Variants in NCALD observed in about 807,000 individuals in gnomAD.
NCALD encodes neurocalcin delta, also known as neurocalcin-delta.
NCALD carries 10 observed loss-of-function variants against 18.6 expected under a neutral mutation model. That is an observed-to-expected ratio of 0.54 (90% confidence interval 0.33 to 0.91). The LOEUF (loss-of-function observed/expected upper bound fraction) is 0.91, where lower values mean the gene tolerates loss of function less well. Ranked by LOEUF, NCALD falls within the 40% of genes least tolerant of loss-of-function variation. The pLI is 0.03. For synonymous variants in NCALD, 88 were observed against 87.4 expected (o/e 1.01, Z -0.04); for missense variants, 184 against 247.6 (o/e 0.74, Z 1.72).
intron 2 of NCALD, among the ~76,000 whole-genome samples, chr8:101,954,072 C>T (rs1819532414): frequency 1.3e-5 from 2 of 152,156 alleles, no homozygotes; most frequent in Non-Finnish European, 2.9e-5. Context: ...AGCATCCAGC[C>T]GACATGGCAG....
chr8:101,964,422 G>A (rs1416163917), intron 2 of NCALD, among the ~76,000 whole-genome samples: 1 of 152,110 alleles, frequency 6.6e-6, no homozygotes, highest in Non-Finnish European at 1.5e-5. Flanking sequence ...CAAAGGCAAG[G>A]TTCTGATTGG....
intron 1 of NCALD, among the ~76,000 whole-genome samples, chr8:101,786,669 T>C (rs556746023): frequency 6.6e-6 from 1 of 152,268 alleles, no homozygotes; most frequent in East Asian, 1.9e-4. Flanking sequence ...AATCATCTTT[T>C]AAAAAAATTC....
chr8:101,735,452 T>A (rs1817033915), intron 1 of NCALD, among the ~76,000 whole-genome samples: 2 of 152,154 alleles, frequency 1.3e-5, no homozygotes, highest in Admixed American at 1.3e-4. Flanking sequence ...TGTTCCACCA[T>A]CCTCTTCTCT....
chr8:101,873,262 A>G (rs1029470095), intron 4 of NCALD, among the ~76,000 whole-genome samples: 1 of 152,180 alleles, frequency 6.6e-6, no homozygotes, highest in African/African-American at 2.4e-5. Flanking sequence ...GCTCCCTCAG[A>G]TTTTCATTGA....
chr8:101,944,269 C>A (rs767831487), intron 2 of NCALD, among the ~76,000 whole-genome samples: 6 of 152,194 alleles, frequency 3.9e-5, no homozygotes, highest in Non-Finnish European at 7.3e-5. Flanking sequence ...ACAGGTGCCC[C>A]ACCTAAAGGT....
At chr8:102,081,557 A>AC (rs1563600972) in intron 1 of NCALD, among the ~76,000 whole-genome samples, 7 of 99,714 alleles carry the variant, frequency 7.0e-5, no homozygotes, top group African/African-American at 4.9e-4. Context: ...AAAAAAAAAA[A>AC]AAAAAAAAAA....
chr8:101,795,706 T>A (rs1158377228), upstream of NCALD, among the ~76,000 whole-genome samples: 2 of 152,200 alleles, frequency 1.3e-5, no homozygotes, highest in Non-Finnish European at 2.9e-5. Context: ...ACTCTGCATT[T>A]CCCACTGCTT....
intron 1 of NCALD, among the ~76,000 whole-genome samples, chr8:102,109,139 G>A (rs914627398): frequency 6.6e-6 from 1 of 152,070 alleles, no homozygotes; most frequent in Non-Finnish European, 1.5e-5. Context: ...GAGAAATCAG[G>A]TTATTCTCAG....
rs543742080 is a variant in NCALD, at chr8:101,709,202, C to T, written c.378+10050G>A. On this transcript the variant is annotated intron_variant, in intron 2 of 3. Coordinates refer to ENST00000220931, the MANE Select transcript of NCALD (RefSeq NM_032041.3). Reference sequence around the variant, plus strand: ...CACTGGTTACTTTGGGTACGCCCTACGTAAATGGAGAGGATGAAGTAAAGT... The same window carrying T: ...CACTGGTTACTTTGGGTACGCCCTATGTAAATGGAGAGGATGAAGTAAAGT... Among the ~76,000 whole-genome samples the T allele has an allele frequency of 5.9e-5, 9 of 152,266 alleles. No homozygotes were observed. The East Asian group carries it at 9.6e-4, about 16-fold the overall frequency.
chr8:102,001,261 G>A (rs1821454697), intron 2 of NCALD, among the ~76,000 whole-genome samples: 1 of 152,222 alleles, frequency 6.6e-6, no homozygotes, highest in Non-Finnish European at 1.5e-5. Flanking sequence ...CGATCAACTG[G>A]AAGAAAGGGT....
At chr8:101,931,676 G>C (rs1818579911) in intron 2 of NCALD, among the ~76,000 whole-genome samples, 1 of 151,442 alleles carries the variant, frequency 6.6e-6, no homozygotes, top group South Asian at 2.1e-4. Flanking sequence ...GTTTGGTTTT[G>C]GTTTGTTTTG....
chr8:101,730,086 C>T (rs890287746), intron 1 of NCALD, among the ~76,000 whole-genome samples: 2 of 152,168 alleles, frequency 1.3e-5, no homozygotes, highest in Non-Finnish European at 2.9e-5. Context: ...CAGTTTAAAT[C>T]ATACGTATCC....
At chr8:102,090,455 G>A (rs1485270747) in intron 1 of NCALD, among the ~76,000 whole-genome samples, 5 of 152,142 alleles carry the variant, frequency 3.3e-5, no homozygotes, top group African/African-American at 7.2e-5. Context: ...GAGACTGTGA[G>A]ATTAGAATAG....
intron 2 of NCALD, among the ~76,000 whole-genome samples, chr8:101,710,081 A>C (rs895757471): frequency 3.3e-5 from 5 of 152,190 alleles, no homozygotes; most frequent in Non-Finnish European, 7.3e-5. Flanking sequence ...TACCCAGTTC[A>C]TCTCATTGGG....
At chr8:101,850,433 A>G (rs1339848661) in intron 4 of NCALD, among the ~76,000 whole-genome samples, 1 of 152,250 alleles carries the variant, frequency 6.6e-6, no homozygotes, top group Admixed American at 6.5e-5. Context: ...CTGTGAGGGA[A>G]AAAGATCGCT....
At chr8:101,935,452 T>C (rs562910626) in intron 2 of NCALD, among the ~76,000 whole-genome samples, 107 of 152,360 alleles carry the variant, frequency 7.0e-4, no homozygotes, top group Non-Finnish European at 1.3e-3. Flanking sequence ...GGCTCTATCC[T>C]ATAACTAAAG....
intron 1 of NCALD, among the ~76,000 whole-genome samples, chr8:102,059,945 G>A (rs759723070): frequency 2.0e-5 from 3 of 152,068 alleles, no homozygotes; most frequent in South Asian, 2.1e-4. Context: ...TCTGGAGTAC[G>A]GCCGTGAAGT....
At chr8:101,924,315 C>G (rs556643244) in intron 2 of NCALD, among the ~76,000 whole-genome samples, 1 of 152,344 alleles carries the variant, frequency 6.6e-6, no homozygotes, top group African/African-American at 2.4e-5. Context: ...GGTTTCTGGT[C>G]TGTCAGCACT....
At chr8:101,826,561 C>G (rs547771488) in intron 4 of NCALD, among the ~76,000 whole-genome samples, 2 of 152,318 alleles carry the variant, frequency 1.3e-5, no homozygotes, top group East Asian at 1.9e-4. Context: ...AAAGCTTGCT[C>G]TCAGTTTTTT....
Sources: gnomAD v4.1 joint callset for allele counts (sites outside exome capture counted in the v4.1 genomes callset) on GRCh38, gnomAD v4.1.1 for gene constraint, MANE v1.5 for transcripts, NCBI Gene and HGNC (gene_info 2026-07-23, HGNC 2026-07-21) for gene names.